The following SLC25A13 variants were observed in gnomAD, a reference collection of about 807,000 sequenced individuals.
SLC25A13 encodes the protein solute carrier family 25 member 13.
In SLC25A13, 70 loss-of-function variants were observed where a neutral mutation model predicts 85.5. The ratio of observed to expected loss-of-function variants is 0.82; its 90% CI spans 0.68 to 1.00. SLC25A13 has a LOEUF of 1.00. Ranked by LOEUF, SLC25A13 falls within the 50% of genes least tolerant of loss-of-function variation. The probability of loss-of-function intolerance (pLI) is 0.00; values close to 1 mark genes in which losing one functional copy is unlikely to be tolerated. For synonymous variants in SLC25A13, 259 were observed against 288.7 expected, an observed-to-expected ratio of 0.90 and a Z score of 1.04; for missense variants, 765 against 819.8, an observed-to-expected ratio of 0.93 and a Z score of 0.82.
At chr7:96,232,299 A>T (rs1796570033) in intron 4 of SLC25A13, among the ~76,000 whole-genome samples, 2 of 152,122 alleles carry the variant, frequency 1.3e-5, no homozygotes, top group Admixed American at 1.3e-4. Flanking sequence ...ACTTGGATGG[A>T]GCTGGAGGCC....
At chr7:96,134,684 C>T (rs73708476) in intron 14 of SLC25A13, among the ~76,000 whole-genome samples, 40 of 151,384 alleles carry the variant, frequency 2.6e-4, no homozygotes, top group African/African-American at 9.7e-4. Flanking sequence ...ATCCCTGTTA[C>T]AATGGCATCT....
intron 2 of SLC25A13, among the ~76,000 whole-genome samples, chr7:96,296,346 G>A (rs930133087): frequency 6.6e-5 from 10 of 152,038 alleles, no homozygotes; most frequent in African/African-American, 2.2e-4. Context: ...TCCAGCAACC[G>A]CTTTTATTCA....
intron 16 of SLC25A13, 32 bp from the exon 17 acceptor site, chr7:96,121,777 T>A: frequency 6.2e-7 from 1 of 1,613,582 alleles, no homozygotes; most frequent in South Asian, 1.1e-5. Flanking sequence ...ACAGATATAA[T>A]TAGATATTTT....
chr7:96,247,711 TATTGACATATA>T (rs894121699), intron 3 of SLC25A13, among the ~76,000 whole-genome samples: 9 of 152,310 alleles, frequency 5.9e-5, no homozygotes, highest in African/African-American at 2.2e-4. Flanking sequence ...TTTACAGCTT[TATTGACATATA>T]ATTGACAAAA....
chr7:96,287,817 T>C, intron 2 of SLC25A13, among the ~76,000 whole-genome samples: 1 of 152,216 alleles, frequency 6.6e-6, no homozygotes, highest in Non-Finnish European at 1.5e-5. Flanking sequence ...AAGTAACAGA[T>C]AGGTCCTCGG....
At chr7:96,251,613 C>T (rs1187374632) in intron 3 of SLC25A13, among the ~76,000 whole-genome samples, 3 of 152,172 alleles carry the variant, frequency 2.0e-5, no homozygotes, top group Admixed American at 6.5e-5. Flanking sequence ...AATGATTCTA[C>T]AGAACTGGCC....
chr7:96,228,796 C>G (rs1005430627), intron 4 of SLC25A13, among the ~76,000 whole-genome samples: 10 of 152,188 alleles, frequency 6.6e-5, no homozygotes, highest in African/African-American at 1.9e-4. Flanking sequence ...GGGCCCTGCA[C>G]TCGGAGTGGA....
At chr7:96,254,326 T>C (rs1296038690) in intron 3 of SLC25A13, among the ~76,000 whole-genome samples, 1 of 152,170 alleles carries the variant, frequency 6.6e-6, no homozygotes, top group African/African-American at 2.4e-5. Flanking sequence ...AGCTGGAACA[T>C]GGATCTACTC....
intron 12 of SLC25A13, among the ~76,000 whole-genome samples, chr7:96,170,992 A>G (rs1793972931): frequency 1.3e-5 from 2 of 152,210 alleles, no homozygotes; most frequent in South Asian, 4.1e-4. Flanking sequence ...CCTAACCATG[A>G]ATCCTATAAA....
At chr7:96,298,770 A>G (rs969213726) in intron 1 of SLC25A13, among the ~76,000 whole-genome samples, 1 of 152,150 alleles carries the variant, frequency 6.6e-6, no homozygotes, top group Non-Finnish European at 1.5e-5. Context: ...TGAATTAGTA[A>G]GTGTTCTCTG....
At chr7:96,298,113 A>G (rs1799417153) in intron 1 of SLC25A13, among the ~76,000 whole-genome samples, 1 of 152,196 alleles carries the variant, frequency 6.6e-6, no homozygotes, top group South Asian at 2.1e-4. Context: ...AGCCAAGGAG[A>G]GGTTCCTGGA....
intron 3 of SLC25A13, among the ~76,000 whole-genome samples, chr7:96,266,053 T>C (rs1357837948): frequency 7.9e-5 from 12 of 152,212 alleles, no homozygotes; most frequent in Admixed American, 7.9e-4. Flanking sequence ...GGTTTCAACA[T>C]GAATTTTGGA....
chr7:96,216,384 A>G (rs1414193277), intron 4 of SLC25A13, among the ~76,000 whole-genome samples: 1 of 152,132 alleles, frequency 6.6e-6, no homozygotes, highest in Non-Finnish European at 1.5e-5. Context: ...TCAACCCAGT[A>G]ATCTCATTAC....
intron 1 of SLC25A13, among the ~76,000 whole-genome samples, chr7:96,313,188 A>G (rs1224660236): frequency 6.6e-6 from 1 of 152,158 alleles, no homozygotes; most frequent in Non-Finnish European, 1.5e-5. Context: ...CAGGCTGAGG[A>G]GTGTTAAGGA....
At chr7:96,285,248 C>T (rs1562903727) in intron 2 of SLC25A13, among the ~76,000 whole-genome samples, 4 of 152,116 alleles carry the variant, frequency 2.6e-5, no homozygotes, top group African/African-American at 7.2e-5. Context: ...CTCCTGCTGC[C>T]GCAACCCTAA....
intron 13 of SLC25A13, among the ~76,000 whole-genome samples, chr7:96,168,098 G>GGAAAAAAAAAAAAAAAAA (rs1793836839): frequency 5.1e-5 from 1 of 19,694 alleles, no homozygotes; most frequent in Non-Finnish European, 1.3e-4. Context: ...AACTCTGTCT[G>GGAAAAAAAAAAAAAAAAA]AAAAAAAAAA....
At chr7:96,226,035 A>C (rs751374184) in intron 4 of SLC25A13, among the ~76,000 whole-genome samples, 6 of 150,840 alleles carry the variant, frequency 4.0e-5, no homozygotes, top group Non-Finnish European at 5.9e-5. Flanking sequence ...GGAAAAAAAC[A>C]CTTAACATGA....
intron 4 of SLC25A13, among the ~76,000 whole-genome samples, chr7:96,211,096 G>A (rs747776455): frequency 6.6e-5 from 10 of 152,092 alleles, no homozygotes; most frequent in Non-Finnish European, 1.5e-4. Context: ...AAATATACAT[G>A]AAAGTAGGTT....
intron 13 of SLC25A13, among the ~76,000 whole-genome samples, chr7:96,162,335 T>C (rs1793539888): frequency 6.6e-6 from 1 of 152,212 alleles, no homozygotes; most frequent in African/African-American, 2.4e-5. Flanking sequence ...ACTTTGAGTA[T>C]ATTTTATGAC....
Sources: allele counts gnomAD v4.1 joint callset (sites outside exome capture counted in the v4.1 genomes callset), GRCh38; gene constraint gnomAD v4.1.1; transcripts MANE v1.5; gene names NCBI Gene and HGNC (gene_info 2026-07-23, HGNC 2026-07-21).